The following HMBOX1 variants were observed in gnomAD, a reference collection of about 807,000 sequenced individuals.
HMBOX1 encodes homeobox-containing protein 1.
A neutral mutation model predicts 54.5 loss-of-function variants in HMBOX1; 14 were observed. The observed-to-expected ratio is 0.26, with a 90% CI of 0.17 to 0.40. The LOEUF (loss-of-function observed/expected upper bound fraction) is 0.40. Among genes scored for constraint, HMBOX1 ranks in the 10% least tolerant of loss-of-function variants. HMBOX1 has a pLI of 1.00. For synonymous variants in HMBOX1, 160 were observed against 181.0 expected (o/e 0.88, Z 0.93); for missense variants, 332 against 514.4 (o/e 0.65, Z 3.43).
chr8:29,031,495 C>A (rs917360535), intron 6 of HMBOX1, among the ~76,000 whole-genome samples: 1 of 150,918 alleles, frequency 6.6e-6, no homozygotes, highest in African/African-American at 2.4e-5. Flanking sequence ...AATAATTTAC[C>A]TTATATATTT....
intron 4 of HMBOX1, among the ~76,000 whole-genome samples, chr8:28,995,690 TTGTAGTTTTGATTTGC>T (rs762605733): frequency 2.0e-5 from 3 of 152,220 alleles, no homozygotes; most frequent in Admixed American, 6.5e-5. Context: ...ATGTGTCTCA[TTGTAGTTTTGATTTGC>T]TGTAGTTTTG....
chr8:28,905,233 G>T (rs71521314), intron 1 of HMBOX1, among the ~76,000 whole-genome samples: 4,175 of 152,136 alleles, frequency 0.027, 90 homozygotes, highest in Non-Finnish European at 0.04. Flanking sequence ...AGGGTTTTTT[G>T]TTGTTGTTGT....
chr8:28,944,105 C>T (rs979294037), intron 1 of HMBOX1, among the ~76,000 whole-genome samples: 5 of 152,162 alleles, frequency 3.3e-5, no homozygotes, highest in African/African-American at 1.2e-4. Flanking sequence ...AGATGGTCCA[C>T]TGATTTTTAC....
At chr8:28,905,552 C>T (rs1340835334) in intron 1 of HMBOX1, among the ~76,000 whole-genome samples, 1 of 152,214 alleles carries the variant, frequency 6.6e-6, no homozygotes, top group Non-Finnish European at 1.5e-5. Flanking sequence ...ATTTATCAGC[C>T]TTGCTGAGTA....
chr8:28,982,004 G>A (rs1007527294), intron 4 of HMBOX1, among the ~76,000 whole-genome samples: 8 of 152,096 alleles, frequency 5.3e-5, no homozygotes, highest in Non-Finnish European at 1.2e-4. Context: ...TTGGGAGGCC[G>A]AGGCAGGCAG....
chr8:28,904,123 T>G (rs759415735), intron 1 of HMBOX1, among the ~76,000 whole-genome samples: 1 of 152,216 alleles, frequency 6.6e-6, no homozygotes, highest in Non-Finnish European at 1.5e-5. Flanking sequence ...ACATCAGTTT[T>G]TCATGCATAA....
At chr8:28,933,124 G>T (rs1356555328) in intron 1 of HMBOX1, among the ~76,000 whole-genome samples, 1 of 152,142 alleles carries the variant, frequency 6.6e-6, no homozygotes, top group African/African-American at 2.4e-5. Context: ...TGAAGGAGCA[G>T]TTATGATAAT....
intron 3 of HMBOX1, among the ~76,000 whole-genome samples, chr8:28,979,188 T>G (rs916861642): frequency 6.6e-6 from 1 of 152,210 alleles, no homozygotes; most frequent in African/African-American, 2.4e-5. Context: ...TGTAATCCTT[T>G]TGAAAATAAA....
intron 1 of HMBOX1, among the ~76,000 whole-genome samples, chr8:28,940,639 A>G (rs763644040): frequency 7.2e-5 from 11 of 152,234 alleles, no homozygotes; most frequent in Non-Finnish European, 1.5e-4. Context: ...GTTTGCAGAC[A>G]TCTTTTGGAC....
chr8:28,907,047 A>G (rs1049994272), intron 1 of HMBOX1, among the ~76,000 whole-genome samples: 5 of 127,980 alleles, frequency 3.9e-5, no homozygotes, highest in African/African-American at 1.3e-4. Flanking sequence ...TTGAAAAATA[A>G]TTAAATGGCT....
intron 1 of HMBOX1, among the ~76,000 whole-genome samples, chr8:28,954,931 C>T (rs1824141331): frequency 6.6e-6 from 1 of 152,080 alleles, no homozygotes. Context: ...TAGGGTAGAA[C>T]GAGCCATCTT....
At position 28,930,816 on chromosome 8, in the gene HMBOX1, C is replaced by A. The variant is rs1035865173; in HGVS notation, c.-57-32995C>A. Among the ~76,000 whole-genome samples the A allele has an allele frequency of 3.9e-5, 6 of 152,078 alleles. No individual in the cohort carries two copies. In the East Asian group the frequency reaches 1.2e-3, roughly 29 times the overall value. ...TCAGTTGTAACATATATTTTTTATACCATGTGTTATTTAGCCTGTGCATCC... is the reference window on the plus strand; with the variant it reads ...TCAGTTGTAACATATATTTTTTATAACATGTGTTATTTAGCCTGTGCATCC... On this transcript the variant is annotated intron_variant, in intron 1 of 9. Coordinates refer to ENST00000287701, the MANE Select transcript of HMBOX1 (RefSeq NM_001135726.3).
chr8:29,026,323 A>C (rs1251589678), intron 6 of HMBOX1, among the ~76,000 whole-genome samples: 1 of 152,134 alleles, frequency 6.6e-6, no homozygotes, highest in Admixed American at 6.6e-5. Flanking sequence ...ATAGAGACAG[A>C]AAGTAGATAA....
At chr8:28,903,137 T>G (rs1280028078) in intron 1 of HMBOX1, among the ~76,000 whole-genome samples, 1 of 152,108 alleles carries the variant, frequency 6.6e-6, no homozygotes, top group Admixed American at 6.5e-5. Flanking sequence ...ATTTAAGCTT[T>G]CTTTTACACA....
rs149368027 is a variant in HMBOX1, at chr8:28,926,416, A to C, written c.-58+35738A>C. Among the ~76,000 whole-genome samples, 1,278 of 152,198 alleles carry C rather than the reference A, an allele frequency of 8.4e-3. 18 individuals are homozygous for C. The highest frequency in any genetic ancestry group is 0.03 in the African/African-American group (1,237 of 41,490). The stretch of plus-strand genomic sequence containing the variant: ...TTGTAATGTTCAAATTTTACCTTTG[A>C]GTTTGAGAGAATACTTCTGCCAGAA... On this transcript the variant is annotated intron_variant, in intron 1 of 9. Transcript: ENST00000287701.
chr8:28,924,261 C>T (rs980176246), intron 1 of HMBOX1, among the ~76,000 whole-genome samples: 1 of 151,612 alleles, frequency 6.6e-6, no homozygotes, highest in African/African-American at 2.4e-5. Flanking sequence ...TGCCCGCCAC[C>T]ACGTCTGGCT....
intron 3 of HMBOX1, among the ~76,000 whole-genome samples, chr8:28,975,284 A>G (rs1828183826): frequency 6.6e-6 from 1 of 152,242 alleles, no homozygotes; most frequent in African/African-American, 2.4e-5. Context: ...AACAGCATGT[A>G]ATATATTAGC....
At chr8:28,895,687 AT>A (rs1811970960) in intron 1 of HMBOX1, among the ~76,000 whole-genome samples, 1 of 151,952 alleles carries the variant, frequency 6.6e-6, no homozygotes, top group African/African-American at 2.4e-5. Context: ...AAAAAAAAAA[AT>A]TTTGATAATG....
At chr8:28,988,335 T>G (rs1830454039) in intron 4 of HMBOX1, among the ~76,000 whole-genome samples, 1 of 152,248 alleles carries the variant, frequency 6.6e-6, no homozygotes, top group African/African-American at 2.4e-5. Context: ...AATCAGTAGA[T>G]GGACATTTGG....
Sources: allele counts gnomAD v4.1 joint callset (sites outside exome capture counted in the v4.1 genomes callset), GRCh38; gene constraint gnomAD v4.1.1; transcripts MANE v1.5; gene names NCBI Gene and HGNC (gene_info 2026-07-23, HGNC 2026-07-21).